Variants in NEBL observed in about 807,000 individuals in gnomAD.
NEBL encodes nebulette.
A neutral mutation model predicts 140.2 loss-of-function variants in NEBL; 122 were observed. The ratio of observed to expected loss-of-function variants is 0.87; its 90% CI spans 0.75 to 1.01. The LOEUF is 1.01. Among genes scored for constraint, NEBL ranks in the 50% least tolerant of loss-of-function variants. The probability of loss-of-function intolerance (pLI) is 0.00; values close to 1 mark genes in which losing one functional copy is unlikely to be tolerated. For missense variants in NEBL, 1,365 were observed against 1,231.3 expected (o/e 1.11, Z -1.62); for synonymous variants, 436 against 398.9 (o/e 1.09, Z -1.11).
intron 1 of NEBL, among the ~76,000 whole-genome samples, chr10:21,275,766 G>A (rs1247787228): frequency 6.7e-6 from 1 of 148,334 alleles, no homozygotes; most frequent in African/African-American, 2.5e-5. Context: ...TCGGCCTCCC[G>A]AGTAGCTGGG....
intron 2 of NEBL, among the ~76,000 whole-genome samples, chr10:21,052,711 G>A (rs1027579871): frequency 5.9e-5 from 9 of 152,096 alleles, no homozygotes; most frequent in Non-Finnish European, 1.2e-4. Flanking sequence ...GAGCAGTGCC[G>A]CTCCACCCCT....
chr10:20,979,790 T>C (rs1016218738), intron 3 of NEBL, among the ~76,000 whole-genome samples: 1 of 152,112 alleles, frequency 6.6e-6, no homozygotes, highest in Non-Finnish European at 1.5e-5. Context: ...CACTGCAACC[T>C]CTAACTCTTG....
intron 3 of NEBL, among the ~76,000 whole-genome samples, chr10:21,007,610 T>C (rs1458130047): frequency 6.6e-6 from 1 of 152,234 alleles, no homozygotes; most frequent in African/African-American, 2.4e-5. Flanking sequence ...TTAGTGTGGT[T>C]ATTTATTAGT....
chr10:20,896,696 T>C (rs1847526669), intron 2 of NEBL, among the ~76,000 whole-genome samples: 1 of 152,024 alleles, frequency 6.6e-6, no homozygotes, highest in South Asian at 2.1e-4. Flanking sequence ...CAATGCCTTA[T>C]GATTTCATGC....
At chr10:20,966,766 C>G (rs553096776) in intron 3 of NEBL, among the ~76,000 whole-genome samples, 4 of 152,184 alleles carry the variant, frequency 2.6e-5, no homozygotes, top group African/African-American at 9.7e-5. Flanking sequence ...AAGTTCTCTT[C>G]CCCAAATGCT....
chr10:21,097,814 T>A (rs1366531678), intron 2 of NEBL, among the ~76,000 whole-genome samples: 2 of 152,140 alleles, frequency 1.3e-5, no homozygotes, highest in Non-Finnish European at 2.9e-5. Flanking sequence ...AACCGCCCAA[T>A]AAATGAAGAC....
intron 26 of NEBL, among the ~76,000 whole-genome samples, chr10:20,795,649 C>T (rs987730368): frequency 6.6e-6 from 1 of 152,056 alleles, no homozygotes; most frequent in African/African-American, 2.4e-5. Context: ...ATTTAGTCGC[C>T]TTATCTTGTA....
At chr10:20,942,952 A>G (rs1408264324) in intron 4 of NEBL, among the ~76,000 whole-genome samples, 1 of 152,224 alleles carries the variant, frequency 6.6e-6, no homozygotes, top group African/African-American at 2.4e-5. Flanking sequence ...GGTGCTGGAG[A>G]GGATGTGGAG....
chr10:21,211,804 T>C (rs1275503587), intron 3 of NEBL, among the ~76,000 whole-genome samples: 1 of 152,188 alleles, frequency 6.6e-6, no homozygotes, highest in African/African-American at 2.4e-5. Context: ...CCAGCAGTGA[T>C]TGTGATGATG....
intron 2 of NEBL, among the ~76,000 whole-genome samples, chr10:21,051,859 A>G (rs1834793567): frequency 6.6e-6 from 1 of 152,196 alleles, no homozygotes; most frequent in African/African-American, 2.4e-5. Flanking sequence ...TTGTTCCTTA[A>G]GTATTTAATT....
At chr10:21,237,676 A>C (rs924696640) in intron 3 of NEBL, among the ~76,000 whole-genome samples, 1 of 151,692 alleles carries the variant, frequency 6.6e-6, no homozygotes, top group African/African-American at 2.4e-5. Context: ...GCACCATGTC[A>C]GCTCACTGCA....
intron 3 of NEBL, among the ~76,000 whole-genome samples, chr10:21,232,664 C>G (rs1842281691): frequency 6.6e-6 from 1 of 152,212 alleles, no homozygotes; most frequent in South Asian, 2.1e-4. Context: ...TGCTGCAGAT[C>G]TGATGAGGCG....
chr10:20,831,624 T>C, intron 14 of NEBL, 41 bp from the exon 15 acceptor site: 2 of 1,323,108 alleles, frequency 1.5e-6, no homozygotes, highest in Non-Finnish European at 2.2e-6. Context: ...CTCCAATCAT[T>C]TGAGAAACTG....
intron 2 of NEBL, among the ~76,000 whole-genome samples, chr10:21,165,367 C>A (rs1840717681): frequency 6.6e-6 from 1 of 152,186 alleles, no homozygotes; most frequent in African/African-American, 2.4e-5. Context: ...ACTTTATTAT[C>A]CCTTGGAATT....
At chr10:21,157,181 C>T (rs942362940) in intron 2 of NEBL, among the ~76,000 whole-genome samples, 1 of 151,814 alleles carries the variant, frequency 6.6e-6, no homozygotes, top group Admixed American at 6.6e-5. Context: ...GTGGTCAACT[C>T]GTAATTCAGA....
chr10:20,993,303 G>A (rs1005678667), intron 3 of NEBL, among the ~76,000 whole-genome samples: 1 of 152,154 alleles, frequency 6.6e-6, no homozygotes, highest in Non-Finnish European at 1.5e-5. Context: ...ACTAAGTTAT[G>A]AATGACGTTG....
chr10:21,226,285 T>G (rs1443520421), intron 3 of NEBL, among the ~76,000 whole-genome samples: 1 of 151,444 alleles, frequency 6.6e-6, no homozygotes, highest in Non-Finnish European at 1.5e-5. Context: ...TCCCCTCTCC[T>G]CTCCTCAAGC....
chr10:21,082,500 ATT>A (rs1028571775), intron 2 of NEBL, among the ~76,000 whole-genome samples: 1 of 146,950 alleles, frequency 6.8e-6, no homozygotes, highest in Admixed American at 6.8e-5. Context: ...TGTACTGAAA[ATT>A]TTTTGTAAGT....
At chr10:21,263,864 T>C (rs1183892034) in intron 1 of NEBL, among the ~76,000 whole-genome samples, 1 of 151,620 alleles carries the variant, frequency 6.6e-6, no homozygotes, top group Non-Finnish European at 1.5e-5. Flanking sequence ...ACTCGGGAGG[T>C]TGAAGCAGGA....
Sources: allele counts gnomAD v4.1 joint callset (sites outside exome capture counted in the v4.1 genomes callset), GRCh38; gene constraint gnomAD v4.1.1; transcripts MANE v1.5; gene names NCBI Gene and HGNC (gene_info 2026-07-23, HGNC 2026-07-21).